The following SLC14A2 variants were observed in gnomAD, a reference collection of about 807,000 sequenced individuals.
The protein encoded by SLC14A2 is solute carrier family 14 member 2, also known as urea transporter 2.
A neutral mutation model predicts 104.6 loss-of-function variants in SLC14A2; 91 were observed. The observed-to-expected ratio is 0.87, with a 90% confidence interval of 0.73 to 1.04. The LOEUF (loss-of-function observed/expected upper bound fraction) is 1.04. Ranked by LOEUF, SLC14A2 falls within the 50% of genes least tolerant of loss-of-function variation. The probability of loss-of-function intolerance (pLI) is 0.00; values close to 1 mark genes in which losing one functional copy is unlikely to be tolerated. For missense variants in SLC14A2, 1,189 were observed against 1,156.0 expected (o/e 1.03, Z -0.41); for synonymous variants, 476 against 466.4 (o/e 1.02, Z -0.27).
intron 1 of SLC14A2, among the ~76,000 whole-genome samples, chr18:45,417,600 C>T (rs545445175): frequency 2.0e-5 from 3 of 152,252 alleles, no homozygotes; most frequent in African/African-American, 7.2e-5. Flanking sequence ...TGGGGGGAAC[C>T]GCCCCCAATT....
intron 2 of SLC14A2, among the ~76,000 whole-genome samples, chr18:45,501,721 G>C (rs1409409292): frequency 6.6e-6 from 1 of 152,198 alleles, no homozygotes; most frequent in Non-Finnish European, 1.5e-5. Context: ...AAGTGACAAG[G>C]GATTCCTGAA....
At chr18:45,646,247 A>G (rs1176353529) in intron 10 of SLC14A2, 1 of 152,196 alleles carries the variant, frequency 6.6e-6, no homozygotes, top group Non-Finnish European at 1.5e-5. Context: ...TCAGTGCTGG[A>G]GTTTTCCAGG....
the SLC14A2 span, among the ~76,000 whole-genome samples, chr18:45,173,681 A>G: frequency 6.6e-6 from 1 of 152,144 alleles, no homozygotes; most frequent in Non-Finnish European, 1.5e-5. Context: ...ATGGATAATC[A>G]CAAATAATTT....
chr18:45,350,999 C>G (rs879651354), intron 1 of SLC14A2, among the ~76,000 whole-genome samples: 3 of 152,144 alleles, frequency 2.0e-5, no homozygotes, highest in Non-Finnish European at 2.9e-5. Context: ...AGAGAAATCT[C>G]AGCACTCCTG....
At chr18:45,535,102 T>G (rs1022442470) in intron 2 of SLC14A2, among the ~76,000 whole-genome samples, 3 of 152,222 alleles carry the variant, frequency 2.0e-5, no homozygotes, top group African/African-American at 7.2e-5. Flanking sequence ...AAGCTCTTTC[T>G]GTTTGTGCTC....
chr18:45,514,264 G>A (rs2043406653), intron 2 of SLC14A2, among the ~76,000 whole-genome samples: 1 of 152,164 alleles, frequency 6.6e-6, no homozygotes, highest in Non-Finnish European at 1.5e-5. Flanking sequence ...GAAAGTGAAG[G>A]AGAAGCAGGC....
At chr18:45,324,642 A>G (rs2085216731) in intron 1 of SLC14A2, among the ~76,000 whole-genome samples, 1 of 151,920 alleles carries the variant, frequency 6.6e-6, no homozygotes, top group African/African-American at 2.4e-5. Flanking sequence ...CCCTGTCTGG[A>G]CTGAGACTAG....
intron 2 of SLC14A2, among the ~76,000 whole-genome samples, chr18:45,565,905 T>G (rs986217732): frequency 7.2e-5 from 11 of 152,212 alleles, no homozygotes; most frequent in Admixed American, 7.2e-4. Context: ...CTTGCCCTTT[T>G]ACGCTGACAC....
chr18:45,628,096 T>C (rs1046559871), intron 4 of SLC14A2, among the ~76,000 whole-genome samples: 17 of 152,052 alleles, frequency 1.1e-4, no homozygotes, highest in Non-Finnish European at 2.1e-4. Flanking sequence ...GCCGTATATT[T>C]TTCCAGTGGC....
At chr18:45,565,182 T>C (rs1351793379) in intron 2 of SLC14A2, among the ~76,000 whole-genome samples, 1 of 151,338 alleles carries the variant, frequency 6.6e-6, no homozygotes, top group African/African-American at 2.4e-5. Context: ...TGAAGGGCAG[T>C]GGCATGATCT....
intron 2 of SLC14A2, among the ~76,000 whole-genome samples, chr18:45,561,872 A>G (rs2044204772): frequency 1.3e-5 from 2 of 151,998 alleles, no homozygotes; most frequent in African/African-American, 2.4e-5. Flanking sequence ...CAACATTTCT[A>G]TTTGGGGATC....
At chr18:45,195,036 C>T in the SLC14A2 span, among the ~76,000 whole-genome samples, 5 of 152,236 alleles carry the variant, frequency 3.3e-5, no homozygotes, top group African/African-American at 1.2e-4. Flanking sequence ...CTTCTTTCAC[C>T]GCACTTCCAT....
intron 1 of SLC14A2, among the ~76,000 whole-genome samples, chr18:45,409,082 G>T (rs1421190): frequency 0.031 from 4,758 of 152,236 alleles, 93 homozygotes; most frequent in Non-Finnish European, 0.044. Flanking sequence ...CTGTCCAGTT[G>T]CAGCCCCCCA....
Position 45,543,133 on chromosome 18 carries a change from G to A in SLC14A2, c.-35+59811G>A, listed in dbSNP as rs547445752. Among the ~76,000 whole-genome samples, 171 of 151,914 alleles carry A rather than the reference G, an allele frequency of 1.1e-3. 2 individuals carry two copies. In the South Asian group the frequency reaches 0.016, roughly 14 times the overall value. ...CCGGCTAGTTTTTGTATTTTTAGTA[G>A]AGATGGGGTTTCACCATGTTGGCCA... On this transcript the variant is annotated intron_variant, in intron 2 of 20. Transcript: ENST00000586448.
chr18:45,374,148 A>G (rs1322920495), intron 1 of SLC14A2, among the ~76,000 whole-genome samples: 1 of 152,198 alleles, frequency 6.6e-6, no homozygotes, highest in East Asian at 1.9e-4. Context: ...GGCTATTTAT[A>G]AGAACCTGTC....
chr18:45,415,384 C>A (rs1455812952), intron 1 of SLC14A2, among the ~76,000 whole-genome samples: 1 of 151,954 alleles, frequency 6.6e-6, no homozygotes, highest in Non-Finnish European at 1.5e-5. Context: ...GTGTGTATAC[C>A]CTGGGACTTG....
At chr18:45,649,892 C>T (rs915836379) in intron 10 of SLC14A2, among the ~76,000 whole-genome samples, 5 of 152,244 alleles carry the variant, frequency 3.3e-5, no homozygotes, top group South Asian at 2.1e-4. Context: ...TTTCTGTCTT[C>T]GGAGTTCGGG....
At position 45,661,220 on chromosome 18, in the gene SLC14A2, A is replaced by C. The variant is rs1382658834; in HGVS notation, c.1352-2565A>C. Among the ~76,000 whole-genome samples the C allele has an allele frequency of 3.9e-5, 6 of 152,086 alleles. No individual in the cohort carries two copies. In the East Asian group the frequency reaches 9.6e-4, roughly 24 times the overall value. ...AAGACCTTCCATCAGCAAGCCCAGC[A>C]CTCTCCACCTGTGTTACTATGGCTG... On this transcript the variant is annotated intron_variant, in intron 10 of 19. Transcript: ENST00000255226.
rs1323842477 is a variant in SLC14A2 at position 45,551,499 on chromosome 18, C to A, written c.-35+68177C>A. On this transcript the variant is annotated intron_variant, in intron 2 of 20. Coordinates refer to the SLC14A2 transcript ENST00000586448. ...AACTCAACCCATTTGGGGAGGCTCC[C>A]TTCTGACCAGGTTCTGTCTGGGCCG... Among the ~76,000 whole-genome samples, 5 of 152,228 alleles carry A rather than the reference C, an allele frequency of 3.3e-5. No individual in the cohort carries two copies. In the East Asian group the frequency reaches 9.6e-4, roughly 29 times the overall value.
Sources: gnomAD v4.1 joint callset for allele counts (sites outside exome capture counted in the v4.1 genomes callset) on GRCh38, gnomAD v4.1.1 for gene constraint, MANE v1.5 for transcripts, NCBI Gene and HGNC (gene_info 2026-07-23, HGNC 2026-07-21) for gene names.